CHCHD3: variants seen among roughly 807,000 people sequenced by gnomAD.
CHCHD3 encodes the protein MICOS complex subunit MIC19.
In CHCHD3, 20 loss-of-function variants were observed where a neutral mutation model predicts 38.2. That is an observed-to-expected ratio of 0.52 (90% CI 0.37 to 0.76). CHCHD3 has a LOEUF of 0.76. CHCHD3 is among the 30% of genes least tolerant of loss of function. CHCHD3 has a pLI of 0.00. For missense variants in CHCHD3, 245 were observed against 279.2 expected, an observed-to-expected ratio of 0.88 and a Z score of 0.87; for synonymous variants, 82 against 100.0, an observed-to-expected ratio of 0.82 and a Z score of 1.07.
intron 2 of CHCHD3, among the ~76,000 whole-genome samples, chr7:133,059,173 T>C (rs1182257761): frequency 6.6e-6 from 1 of 152,102 alleles, no homozygotes; most frequent in Non-Finnish European, 1.5e-5. Context: ...GAAGCTGAGA[T>C]CAGACACGAG....
chr7:132,992,899 A>G (rs764221719), intron 3 of CHCHD3, among the ~76,000 whole-genome samples: 33 of 152,190 alleles, frequency 2.2e-4, no homozygotes, highest in Non-Finnish European at 4.1e-4. Flanking sequence ...TCTGCCTGCT[A>G]GAATTAAAAT....
At chr7:132,881,805 ATAGT>A (rs1462102908) in intron 5 of CHCHD3, among the ~76,000 whole-genome samples, 11 of 152,184 alleles carry the variant, frequency 7.2e-5, no homozygotes, top group Non-Finnish European at 1.3e-4. Flanking sequence ...CCTAATAGAA[ATAGT>A]TAGACATTGT....
intron 3 of CHCHD3, among the ~76,000 whole-genome samples, chr7:132,993,411 T>C (rs924649699): frequency 1.3e-5 from 2 of 152,228 alleles, no homozygotes; most frequent in Admixed American, 6.5e-5. Context: ...TGTATTAAAA[T>C]CAAGTAGTAA....
At chr7:132,987,817 GTCCTT>G (rs1381084802) in intron 3 of CHCHD3, among the ~76,000 whole-genome samples, 2 of 152,102 alleles carry the variant, frequency 1.3e-5, no homozygotes, top group African/African-American at 4.8e-5. Flanking sequence ...ATGTCTGCCT[GTCCTT>G]TCATCTTTTC....
intron 4 of CHCHD3, among the ~76,000 whole-genome samples, chr7:132,945,425 A>G (rs929874539): frequency 6.6e-6 from 1 of 152,002 alleles, no homozygotes; most frequent in African/African-American, 2.4e-5. Context: ...ATGTATAAAC[A>G]TATTCACACA....
At chr7:132,875,968 A>T (rs753748474) in intron 5 of CHCHD3, among the ~76,000 whole-genome samples, 4 of 152,204 alleles carry the variant, frequency 2.6e-5, no homozygotes, top group Non-Finnish European at 5.9e-5. Context: ...TATCTTTTTA[A>T]CTGAAGCTAA....
rs146352186 is a variant in CHCHD3 at position 133,018,818 on chromosome 7, A to G, written c.251+5728T>C. ...CAGACCCAGTGATTCATTCAACTGAACAAATACTTGTGAGACTTTACTATG... is the reference window on the plus strand; with the variant it reads ...CAGACCCAGTGATTCATTCAACTGAGCAAATACTTGTGAGACTTTACTATG... On this transcript the variant is annotated intron_variant, in intron 3 of 7. Coordinates refer to ENST00000262570, the MANE Select transcript of CHCHD3 (RefSeq NM_017812.4). Among the ~76,000 whole-genome samples the G allele has an allele frequency of 8.8e-4, 134 of 151,962 alleles. No homozygotes were observed. In the Middle Eastern group the frequency reaches 0.027, roughly 31 times the overall value.
intron 2 of CHCHD3, among the ~76,000 whole-genome samples, chr7:133,033,383 T>TG (rs1241930711): frequency 6.6e-6 from 1 of 152,080 alleles, no homozygotes; most frequent in Non-Finnish European, 1.5e-5. Context: ...CTGCTAGCCA[T>TG]GAAGATCCCT....
intron 2 of CHCHD3, among the ~76,000 whole-genome samples, chr7:133,054,756 A>ATAAATGGGATCATT (rs778638735): frequency 7.2e-5 from 11 of 152,158 alleles, no homozygotes; most frequent in Non-Finnish European, 1.5e-4. Context: ...GACATTTCCT[A>ATAAATGGGATCATT]TAAATGGGAT....
chr7:132,824,626 GA>G (rs1563246657), intron 6 of CHCHD3, among the ~76,000 whole-genome samples: 1 of 152,156 alleles, frequency 6.6e-6, no homozygotes, highest in Non-Finnish European at 1.5e-5. Context: ...CAAGTAGGTA[GA>G]ACACTTGGTT....
intron 6 of CHCHD3, among the ~76,000 whole-genome samples, chr7:132,801,920 A>T (rs1806803811): frequency 6.6e-6 from 1 of 152,174 alleles, no homozygotes; most frequent in South Asian, 2.1e-4. Flanking sequence ...GGAGGGCAGG[A>T]GGGGAAAGCA....
intron 4 of CHCHD3, among the ~76,000 whole-genome samples, chr7:132,926,767 AC>A (rs1262001278): frequency 6.6e-6 from 1 of 152,216 alleles, no homozygotes; most frequent in Non-Finnish European, 1.5e-5. Context: ...CTTCTATCTA[AC>A]ACAATGTAAA....
chr7:132,915,076 T>C (rs1401110573), intron 4 of CHCHD3, among the ~76,000 whole-genome samples: 1 of 150,668 alleles, frequency 6.6e-6, no homozygotes, highest in Non-Finnish European at 1.5e-5. Context: ...GCAGGAGAGG[T>C]TGCAGTCAGC....
At chr7:133,021,953 G>A (rs1813189664) in intron 3 of CHCHD3, among the ~76,000 whole-genome samples, 1 of 152,052 alleles carries the variant, frequency 6.6e-6, no homozygotes, top group Admixed American at 6.6e-5. Flanking sequence ...CGGGTGTGGT[G>A]GCGGGCGCCT....
intron 4 of CHCHD3, among the ~76,000 whole-genome samples, chr7:132,898,068 G>C (rs1394238504): frequency 6.6e-6 from 1 of 152,020 alleles, no homozygotes; most frequent in Non-Finnish European, 1.5e-5. Context: ...GTTCCTCCCG[G>C]TGGGCTCGTG....
At chr7:133,040,231 G>T (rs916237608) in intron 2 of CHCHD3, among the ~76,000 whole-genome samples, 1 of 152,152 alleles carries the variant, frequency 6.6e-6, no homozygotes, top group African/African-American at 2.4e-5. Context: ...GCCTATAGCT[G>T]CCCCAGGAAA....
chr7:132,974,924 G>T lies in CHCHD3; in HGVS notation c.369+245C>A, dbSNP rs533147514. On this transcript the variant is annotated intron_variant, in intron 4 of 7. Transcript: ENST00000262570. ...AAAAAAGCAGACAACAATCCTTCAG[G>T]TGTGAAACATGTACACATGTCTGCA... 2.6e-5 allele frequency among the ~76,000 whole-genome samples: 4 copies of T among 152,148 alleles called. No individual in the cohort carries two copies. The East Asian group carries it at 7.7e-4, about 29-fold the overall frequency.
intron 3 of CHCHD3, among the ~76,000 whole-genome samples, chr7:132,986,294 A>T (rs572633377): frequency 1.4e-3 from 203 of 149,400 alleles, no homozygotes; most frequent in African/African-American, 4.6e-3. Flanking sequence ...TCTGCCTAGG[A>T]AAACCAGAGA....
intron 1 of CHCHD3, among the ~76,000 whole-genome samples, chr7:133,080,052 G>T (rs945267475): frequency 6.6e-6 from 1 of 152,216 alleles, no homozygotes; most frequent in Admixed American, 6.5e-5. Context: ...GAAGCTCAGA[G>T]AGATTGCAAA....
Sources: allele counts gnomAD v4.1 joint callset (sites outside exome capture counted in the v4.1 genomes callset), GRCh38; gene constraint gnomAD v4.1.1; transcripts MANE v1.5; gene names NCBI Gene and HGNC (gene_info 2026-07-23, HGNC 2026-07-21).